Variants in ZMAT4 observed in about 807,000 individuals in gnomAD.
ZMAT4 encodes the protein zinc finger matrin-type 4, also known as zinc finger matrin-type protein 4.
Under a neutral mutation model 28.7 loss-of-function variants are expected in ZMAT4, and 17 were observed. The observed-to-expected ratio is 0.59, with a 90% confidence interval of 0.41 to 0.89. The LOEUF (loss-of-function observed/expected upper bound fraction) is 0.89, where lower values mean the gene tolerates loss of function less well. ZMAT4 is among the 40% of genes least tolerant of loss of function. The probability of loss-of-function intolerance (pLI) is 0.00; values close to 1 mark genes in which losing one functional copy is unlikely to be tolerated. For missense variants in ZMAT4, 240 were observed against 283.8 expected (o/e 0.85, Z 1.11); for synonymous variants, 117 against 109.2 (o/e 1.07, Z -0.44).
intron 1 of ZMAT4, among the ~76,000 whole-genome samples, chr8:40,859,371 C>T (rs140625856): frequency 1.5e-4 from 23 of 152,268 alleles, no homozygotes; most frequent in African/African-American, 5.1e-4. Flanking sequence ...TTCCATCCTC[C>T]TCCCCTGACA....
intron 3 of ZMAT4, among the ~76,000 whole-genome samples, chr8:40,724,099 C>T (rs1811223154): frequency 1.3e-5 from 2 of 152,032 alleles, no homozygotes; most frequent in Non-Finnish European, 1.5e-5. Context: ...GTTCTTCCCA[C>T]TGCACTTAGA....
chr8:40,878,717 G>A (rs778380180), intron 1 of ZMAT4, among the ~76,000 whole-genome samples: 3 of 152,304 alleles, frequency 2.0e-5, no homozygotes, highest in Non-Finnish European at 2.9e-5. Flanking sequence ...CCATGGCACC[G>A]TTCTCGCCAC....
Position 40,747,032 on chromosome 8 carries a change from A to G in ZMAT4, c.192+20609T>C, listed in dbSNP as rs920447055. Among the ~76,000 whole-genome samples, 15 of 152,282 alleles carry G rather than the reference A, an allele frequency of 9.9e-5. No individual in the cohort carries two copies. In the South Asian group the frequency reaches 2.5e-3, roughly 25 times the overall value. ...TGACCCTTCATCCATAGCACTTATG[A>G]GAGCTGCCACTTTCAATGGAGGGCA... is the stretch of plus-strand genomic sequence containing the variant. On this transcript the variant is annotated intron_variant, in intron 3 of 6. Coordinates refer to ENST00000297737, the MANE Select transcript of ZMAT4 (RefSeq NM_024645.3).
At chr8:40,775,314 C>G (rs906983162) in intron 2 of ZMAT4, among the ~76,000 whole-genome samples, 3 of 152,226 alleles carry the variant, frequency 2.0e-5, no homozygotes, top group African/African-American at 7.2e-5. Context: ...ACTTCCATCT[C>G]TAAACTCCAT....
intron 3 of ZMAT4, among the ~76,000 whole-genome samples, chr8:40,708,408 G>A (rs1444020676): frequency 6.6e-6 from 1 of 152,148 alleles, no homozygotes; most frequent in African/African-American, 2.4e-5. Context: ...TTCATACTGA[G>A]GAGAAACTGC....
At chr8:40,600,463 C>G (rs1218001004) in intron 5 of ZMAT4, among the ~76,000 whole-genome samples, 1 of 152,236 alleles carries the variant, frequency 6.6e-6, no homozygotes, top group Non-Finnish European at 1.5e-5. Flanking sequence ...TGGATTCCAG[C>G]CCACATAGCC....
At chr8:40,813,180 T>TA (rs1299592009) in intron 2 of ZMAT4, among the ~76,000 whole-genome samples, 4 of 151,752 alleles carry the variant, frequency 2.6e-5, no homozygotes, top group African/African-American at 7.2e-5. Flanking sequence ...AAAAATTATG[T>TA]AAAAAAAATC....
intron 1 of ZMAT4, among the ~76,000 whole-genome samples, chr8:40,844,350 C>T (rs1272786588): frequency 6.6e-6 from 1 of 152,202 alleles, no homozygotes; most frequent in African/African-American, 2.4e-5. Context: ...GGGCATCACC[C>T]AATTGTTGAG....
chr8:40,732,303 C>T (rs375240032), intron 3 of ZMAT4, among the ~76,000 whole-genome samples: 68 of 152,164 alleles, frequency 4.5e-4, no homozygotes, highest in Non-Finnish European at 8.8e-5. Context: ...GTGCCTACAA[C>T]GGGAAGGTCA....
At chr8:40,856,114 G>A (rs1338131202) in intron 1 of ZMAT4, among the ~76,000 whole-genome samples, 1 of 152,184 alleles carries the variant, frequency 6.6e-6, no homozygotes, top group Non-Finnish European at 1.5e-5. Flanking sequence ...AGGACAGGCA[G>A]AGGGGATGTA....
chr8:40,874,685 A>T (rs1443795579), intron 1 of ZMAT4, among the ~76,000 whole-genome samples: 2 of 152,216 alleles, frequency 1.3e-5, no homozygotes, highest in Non-Finnish European at 1.5e-5. Context: ...CAATTTAAGC[A>T]CAATTTATTG....
At chr8:40,810,079 C>T (rs1815257871) in intron 2 of ZMAT4, among the ~76,000 whole-genome samples, 1 of 151,974 alleles carries the variant, frequency 6.6e-6, no homozygotes, top group Admixed American at 6.6e-5. Context: ...TATATATATA[C>T]ACACACATGC....
chr8:40,634,776 C>A (rs1019484980), intron 5 of ZMAT4, among the ~76,000 whole-genome samples: 1 of 152,160 alleles, frequency 6.6e-6, no homozygotes, highest in Non-Finnish European at 1.5e-5. Flanking sequence ...CGCCAATAAT[C>A]TCATACAACT....
intron 5 of ZMAT4, among the ~76,000 whole-genome samples, chr8:40,647,999 C>T (rs1425970140): frequency 2.6e-5 from 4 of 152,170 alleles, no homozygotes; most frequent in Non-Finnish European, 5.9e-5. Context: ...AAACTGGAAA[C>T]TCTAAAAAGC....
intron 5 of ZMAT4, among the ~76,000 whole-genome samples, chr8:40,665,192 C>G (rs1384839444): frequency 4.6e-5 from 7 of 152,014 alleles, no homozygotes; most frequent in Non-Finnish European, 1.5e-5. Context: ...GGTGACAGAG[C>G]AAGACTGTCT....
intron 5 of ZMAT4, among the ~76,000 whole-genome samples, chr8:40,586,166 G>C (rs1804666467): frequency 6.6e-6 from 1 of 152,112 alleles, no homozygotes; most frequent in Admixed American, 6.5e-5. Flanking sequence ...CAGTGTCCTT[G>C]GTGGGAACTG....
rs924737394 is a variant in ZMAT4 at position 40,862,046 on chromosome 8, A to T, written c.-5+35637T>A. On this transcript the variant is annotated intron_variant, in intron 1 of 6. Coordinates refer to ENST00000297737, the MANE Select transcript of ZMAT4 (RefSeq NM_024645.3). ...CAGGATCTAGAACTAGAAATACCGT[A>T]AGACCCAGCCATCCCATTACTGGGT... is the stretch of plus-strand genomic sequence containing the variant. Among the ~76,000 whole-genome samples the T allele has an allele frequency of 4.6e-5, 7 of 152,336 alleles. 1 individual carries two copies. Among genetic ancestry groups the T allele is most frequent in the Admixed American group, 1.3e-4 (2 of 15,288 alleles).
chr8:40,605,966 TG>T (rs1463804901), intron 5 of ZMAT4, among the ~76,000 whole-genome samples: 1 of 152,262 alleles, frequency 6.6e-6, no homozygotes, highest in Non-Finnish European at 1.5e-5. Context: ...CTTTAAAGTC[TG>T]TTTTGTCTGA....
intron 3 of ZMAT4, among the ~76,000 whole-genome samples, chr8:40,727,940 A>T (rs942743429): frequency 1.3e-5 from 2 of 152,218 alleles, no homozygotes; most frequent in African/African-American, 2.4e-5. Flanking sequence ...TTATGCAAAG[A>T]ATATGAGCTA....
Sources: allele counts gnomAD v4.1 joint callset (sites outside exome capture counted in the v4.1 genomes callset), GRCh38; gene constraint gnomAD v4.1.1; transcripts MANE v1.5; gene names NCBI Gene and HGNC (gene_info 2026-07-23, HGNC 2026-07-21).